Variants in CPA6 observed in about 807,000 individuals in gnomAD.
CPA6 encodes carboxypeptidase A6.
A neutral mutation model predicts 63.3 loss-of-function variants in CPA6; 58 were observed. The observed-to-expected ratio is 0.92, with a 90% CI of 0.74 to 1.14. The LOEUF (loss-of-function observed/expected upper bound fraction) is 1.14, where lower values mean the gene tolerates loss of function less well. Among genes scored for constraint, CPA6 ranks in the 50% most tolerant of loss-of-function variants. CPA6 has a pLI of 0.00. For synonymous variants in CPA6, 185 were observed against 179.0 expected, an observed-to-expected ratio of 1.03 and a Z score of -0.27; for missense variants, 565 against 526.6, an observed-to-expected ratio of 1.07 and a Z score of -0.71.
At chr8:67,513,918 C>A (rs543818585) in intron 3 of CPA6, among the ~76,000 whole-genome samples, 4 of 152,056 alleles carry the variant, frequency 2.6e-5, no homozygotes, top group Non-Finnish European at 5.9e-5. Flanking sequence ...TACAAAACCA[C>A]CTCCCCAAAG....
intron 1 of CPA6, among the ~76,000 whole-genome samples, chr8:67,669,592 T>C (rs770031978): frequency 6.6e-6 from 1 of 152,216 alleles, no homozygotes. Flanking sequence ...TTAATTAGTA[T>C]TGTAATCTAG....
At chr8:67,426,231 A>C (rs1046179823) in intron 10 of CPA6, among the ~76,000 whole-genome samples, 10 of 152,246 alleles carry the variant, frequency 6.6e-5, no homozygotes, top group Admixed American at 4.6e-4. Context: ...GGCCTTGCAA[A>C]GTGCTAGGAT....
At chr8:67,697,255 G>C (rs1816928909) in intron 1 of CPA6, among the ~76,000 whole-genome samples, 1 of 152,212 alleles carries the variant, frequency 6.6e-6, no homozygotes, top group Non-Finnish European at 1.5e-5. Context: ...GGGGGCTGCT[G>C]CTCTCCACGG....
chr8:67,745,563 A>G (rs1455574165), intron 1 of CPA6, among the ~76,000 whole-genome samples: 2 of 151,332 alleles, frequency 1.3e-5, no homozygotes, highest in Non-Finnish European at 2.9e-5. Flanking sequence ...CACTCTACAG[A>G]CTAATAAGCA....
At chr8:67,475,863 CT>C (rs1370889634) in intron 8 of CPA6, among the ~76,000 whole-genome samples, 23 of 80,732 alleles carry the variant, frequency 2.8e-4, no homozygotes, top group East Asian at 6.8e-4. Flanking sequence ...TTCTTTCTTT[CT>C]TTCTTTCTTT....
At chr8:67,642,954 A>G (rs1815628458) in intron 1 of CPA6, among the ~76,000 whole-genome samples, 1 of 152,230 alleles carries the variant, frequency 6.6e-6, no homozygotes, top group South Asian at 2.1e-4. Flanking sequence ...AATCATAAAG[A>G]TTAATTCAAT....
chr8:67,433,468 C>G (rs1166185716), intron 9 of CPA6, among the ~76,000 whole-genome samples: 1 of 152,216 alleles, frequency 6.6e-6, no homozygotes, highest in African/African-American at 2.4e-5. Flanking sequence ...GCCTGAACGT[C>G]TGTTCATTCT....
chr8:67,608,171 G>C (rs1814714806), intron 2 of CPA6, among the ~76,000 whole-genome samples: 1 of 152,202 alleles, frequency 6.6e-6, no homozygotes, highest in Non-Finnish European at 1.5e-5. Flanking sequence ...GGAGGCAGGA[G>C]AGTAGGGTCC....
chr8:67,664,009 AT>A (rs1469985966), intron 1 of CPA6, among the ~76,000 whole-genome samples: 2 of 152,346 alleles, frequency 1.3e-5, no homozygotes, highest in East Asian at 3.9e-4. Context: ...ATCTTAGAGA[AT>A]TTGAGGAAAA....
intron 2 of CPA6, among the ~76,000 whole-genome samples, chr8:67,605,750 C>T (rs1397347016): frequency 6.6e-6 from 1 of 152,130 alleles, no homozygotes; most frequent in Non-Finnish European, 1.5e-5. Context: ...TCGGCTCAAA[C>T]TCAATAGTTT....
intron 8 of CPA6, among the ~76,000 whole-genome samples, chr8:67,440,311 C>T (rs1465591002): frequency 1.3e-5 from 2 of 152,160 alleles, no homozygotes; most frequent in Non-Finnish European, 2.9e-5. Flanking sequence ...TGACTCACAC[C>T]TGTAATCCCA....
At chr8:67,575,580 G>C (rs992918227) in intron 2 of CPA6, among the ~76,000 whole-genome samples, 4 of 152,172 alleles carry the variant, frequency 2.6e-5, no homozygotes, top group African/African-American at 9.7e-5. Flanking sequence ...TTCTGGGCTG[G>C]GTGCAGTGGC....
At chr8:67,688,257 C>G (rs1296839376) in intron 1 of CPA6, among the ~76,000 whole-genome samples, 1 of 152,102 alleles carries the variant, frequency 6.6e-6, no homozygotes, top group African/African-American at 2.4e-5. Flanking sequence ...AAAGACAAAA[C>G]AGATTTAAAT....
intron 2 of CPA6, among the ~76,000 whole-genome samples, chr8:67,605,863 A>G (rs74913118): frequency 0.03 from 4,488 of 152,056 alleles, 126 homozygotes; most frequent in African/African-American, 0.074. Flanking sequence ...ACTATACCCT[A>G]AGGCTTTGTC....
At position 67,511,570 on chromosome 8, in the gene CPA6, T is replaced by G. The variant is rs1405170493; in HGVS notation, c.403A>C (p.Asn135His). The change falls in exon 4 of 11, where the codon AAT becomes CAT. Residue 135 changes from asparagine to histidine, a missense_variant. Asn to His is a moderately conservative substitution (Grantham distance 68). Transcript: ENST00000297770. ...TCTAAGGAGTGATAAACTTCATAATTATATCCAGAGAGGGATCTTCGGTTT... is the reference window on the plus strand; with the variant it reads ...TCTAAGGAGTGATAAACTTCATAATGATATCCAGAGAGGGATCTTCGGTTT... ...QRNRRSLSGY[N>H]YEVYHSLEEI... 6.2e-7 allele frequency: 1 copy of G among 1,608,574 alleles called. No homozygotes were observed. Among genetic ancestry groups the G allele is most frequent in the Non-Finnish European group, 8.5e-7 (1 of 1,175,042 alleles).
intron 8 of CPA6, among the ~76,000 whole-genome samples, chr8:67,451,797 C>G (rs1386081265): frequency 2.0e-5 from 3 of 152,168 alleles, no homozygotes; most frequent in African/African-American, 7.2e-5. Context: ...TCAGATAAGC[C>G]TGTTGGTCCA....
In CPA6 at chr8:67,501,173, C is replaced by A. The variant is rs1811823783; in HGVS notation, c.636+5614G>T. Reference sequence around the variant, plus strand: ...AATTTGAGTAGAATTGCCATCTTTACTATTTTGAAATCTCCCAATCCATGA... The same window carrying A: ...AATTTGAGTAGAATTGCCATCTTTAATATTTTGAAATCTCCCAATCCATGA... On this transcript the variant is annotated intron_variant, in intron 6 of 10. Coordinates refer to ENST00000297770, the MANE Select transcript of CPA6 (RefSeq NM_020361.5). Among the ~76,000 whole-genome samples the A allele has an allele frequency of 2.0e-5, 3 of 152,180 alleles. No homozygotes were observed. In the South Asian group the frequency reaches 6.2e-4, roughly 32 times the overall value.
At chr8:67,579,063 T>C (rs1197996290) in intron 2 of CPA6, among the ~76,000 whole-genome samples, 1 of 152,228 alleles carries the variant, frequency 6.6e-6, no homozygotes, top group Non-Finnish European at 1.5e-5. Context: ...AAATTAAATG[T>C]ATAAATATAG....
chr8:67,729,544 T>C (rs949263543), intron 1 of CPA6, among the ~76,000 whole-genome samples: 1 of 152,128 alleles, frequency 6.6e-6, no homozygotes, highest in African/African-American at 2.4e-5. Context: ...GAGTACAGCT[T>C]GGTCAGGAAG....
Sources: allele counts gnomAD v4.1 joint callset (sites outside exome capture counted in the v4.1 genomes callset), GRCh38; gene constraint gnomAD v4.1.1; transcripts MANE v1.5; gene names NCBI Gene and HGNC (gene_info 2026-07-23, HGNC 2026-07-21).